The following DPP10 variants were observed in gnomAD, a reference collection of about 807,000 sequenced individuals.
The protein encoded by DPP10 is inactive dipeptidyl peptidase 10.
A neutral mutation model predicts 120.9 loss-of-function variants in DPP10; 33 were observed. That is an observed-to-expected ratio of 0.27 (90% confidence interval 0.21 to 0.37). The LOEUF is 0.37. Ranked by LOEUF, DPP10 falls within the 10% of genes least tolerant of loss-of-function variation. The pLI, the probability that DPP10 is intolerant of heterozygous loss-of-function variation, is 1.00. For missense variants in DPP10, 816 were observed against 942.8 expected (o/e 0.87, Z 1.76); for synonymous variants, 337 against 326.1 (o/e 1.03, Z -0.36).
intron 1 of DPP10, among the ~76,000 whole-genome samples, chr2:114,704,687 T>C (rs1700581918): frequency 6.6e-6 from 1 of 152,172 alleles, no homozygotes; most frequent in Non-Finnish European, 1.5e-5. Context: ...GTGCATATGA[T>C]AGATTTCAAA....
intron 3 of DPP10, among the ~76,000 whole-genome samples, chr2:115,420,515 A>C (rs189675058): frequency 6.6e-6 from 1 of 152,316 alleles, no homozygotes; most frequent in Admixed American, 6.5e-5. Flanking sequence ...GTTTAGTAAA[A>C]ATGAAATATT....
intron 5 of DPP10, among the ~76,000 whole-genome samples, chr2:115,633,211 G>A (rs2086032643): frequency 6.6e-6 from 1 of 152,200 alleles, no homozygotes; most frequent in Non-Finnish European, 1.5e-5. Context: ...ACTGGATTAA[G>A]ACAATGTGGC....
At chr2:114,766,908 C>T (rs1680753402) in intron 1 of DPP10, among the ~76,000 whole-genome samples, 2 of 151,878 alleles carry the variant, frequency 1.3e-5, no homozygotes, top group South Asian at 2.1e-4. Flanking sequence ...CAGACACACA[C>T]ACACGCACAC....
chr2:115,802,564 A>G (rs1685392535), intron 19 of DPP10, among the ~76,000 whole-genome samples: 1 of 152,112 alleles, frequency 6.6e-6, no homozygotes. Flanking sequence ...TGTTGTGGGC[A>G]TTTAGTGCTA....
At chr2:115,612,820 A>G (rs1021258032) in intron 5 of DPP10, among the ~76,000 whole-genome samples, 2 of 151,964 alleles carry the variant, frequency 1.3e-5, no homozygotes, top group African/African-American at 4.8e-5. Flanking sequence ...AGAGTGGTAT[A>G]TTTAGCTCCG....
chr2:114,579,074 C>A (rs1690283036), intron 1 of DPP10, among the ~76,000 whole-genome samples: 1 of 152,178 alleles, frequency 6.6e-6, no homozygotes, highest in Non-Finnish European at 1.5e-5. Context: ...ATTTATTGAG[C>A]ACCCATCATT....
intron 24 of DPP10, among the ~76,000 whole-genome samples, chr2:115,837,609 C>A (rs1459277929): frequency 6.6e-6 from 1 of 152,114 alleles, no homozygotes; most frequent in Non-Finnish European, 1.5e-5. Flanking sequence ...GAAAGAGGAA[C>A]TTTACAGTGG....
chr2:115,816,551 T>C (rs1687247150), intron 21 of DPP10, among the ~76,000 whole-genome samples: 1 of 152,190 alleles, frequency 6.6e-6, no homozygotes, highest in African/African-American at 2.4e-5. Context: ...CAACATTATT[T>C]TGACAGTGGG....
intron 5 of DPP10, among the ~76,000 whole-genome samples, chr2:115,530,654 T>A (rs2078406013): frequency 1.3e-5 from 2 of 151,058 alleles, no homozygotes; most frequent in South Asian, 4.2e-4. Context: ...CACTCCAGCC[T>A]GAGTGACAGG....
intron 1 of DPP10, among the ~76,000 whole-genome samples, chr2:114,743,872 T>C (rs905123888): frequency 1.3e-5 from 2 of 152,242 alleles, no homozygotes; most frequent in African/African-American, 2.4e-5. Flanking sequence ...TGGTGGTGGA[T>C]GTGATCGGGT....
chr2:114,675,529 A>G (rs1308103333), intron 1 of DPP10, among the ~76,000 whole-genome samples: 1 of 152,132 alleles, frequency 6.6e-6, no homozygotes, highest in Admixed American at 6.6e-5. Context: ...TTCCAAACAC[A>G]TGTAAGTGTT....
intron 7 of DPP10, among the ~76,000 whole-genome samples, chr2:115,709,086 C>G (rs1575576518): frequency 6.6e-6 from 1 of 152,072 alleles, no homozygotes; most frequent in East Asian, 1.9e-4. Flanking sequence ...CAAAACCAGG[C>G]AGATTTTCGA....
At chr2:114,645,876 G>T (rs1043736075) in intron 1 of DPP10, among the ~76,000 whole-genome samples, 7 of 152,100 alleles carry the variant, frequency 4.6e-5, no homozygotes, top group Non-Finnish European at 1.5e-5. Flanking sequence ...GCTGAAAGAG[G>T]AATTAAAGGG....
chr2:115,017,319 G>T (rs1040890312), intron 1 of DPP10, among the ~76,000 whole-genome samples: 1 of 152,046 alleles, frequency 6.6e-6, no homozygotes, highest in African/African-American at 2.4e-5. Flanking sequence ...TCTCATCCCA[G>T]TTAGAATAGC....
chr2:114,615,678 C>A (rs548676002), intron 1 of DPP10, among the ~76,000 whole-genome samples: 4 of 152,132 alleles, frequency 2.6e-5, no homozygotes, highest in Non-Finnish European at 5.9e-5. Flanking sequence ...GCATACGATG[C>A]TTCTTACCCT....
intron 1 of DPP10, among the ~76,000 whole-genome samples, chr2:114,912,978 C>T (rs1405227166): frequency 6.6e-6 from 1 of 152,178 alleles, no homozygotes; most frequent in African/African-American, 2.4e-5. Context: ...CCTGTGTTGG[C>T]TGCTAAACTT....
intron 1 of DPP10, among the ~76,000 whole-genome samples, chr2:115,305,764 A>C (rs901042082): frequency 6.6e-6 from 1 of 151,902 alleles, no homozygotes; most frequent in Non-Finnish European, 1.5e-5. Flanking sequence ...AATTAAAAAA[A>C]AAATAAAATT....
chr2:115,203,688 T>C (rs1461427198), intron 1 of DPP10, among the ~76,000 whole-genome samples: 3 of 152,138 alleles, frequency 2.0e-5, no homozygotes, highest in Non-Finnish European at 4.4e-5. Context: ...TCCATGAAGT[T>C]GGCACTTTGG....
chr2:115,692,021 G>C (rs1462479730), intron 7 of DPP10, among the ~76,000 whole-genome samples: 1 of 151,900 alleles, frequency 6.6e-6, no homozygotes, highest in Non-Finnish European at 1.5e-5. Flanking sequence ...ATTCTGTGTA[G>C]ACTATTATGC....
Sources: gnomAD v4.1 joint callset for allele counts (sites outside exome capture counted in the v4.1 genomes callset) on GRCh38, gnomAD v4.1.1 for gene constraint, MANE v1.5 for transcripts, NCBI Gene and HGNC (gene_info 2026-07-23, HGNC 2026-07-21) for gene names.